The following HSP90AA1 variants were observed in gnomAD, a reference collection of about 807,000 sequenced individuals.
The protein encoded by HSP90AA1 is heat shock protein 90 alpha family class A member 1.
A neutral mutation model predicts 73.3 loss-of-function variants in HSP90AA1; 18 were observed. The observed-to-expected ratio is 0.25, with a 90% CI of 0.17 to 0.36. The LOEUF (loss-of-function observed/expected upper bound fraction) is 0.36. HSP90AA1 is among the 10% of genes least tolerant of loss of function. The pLI is 1.00. For synonymous variants in HSP90AA1, 477 were observed against 296.9 expected (o/e 1.61, Z -6.24); for missense variants, 704 against 874.2 (o/e 0.81, Z 2.45).
intron 2 of HSP90AA1, among the ~76,000 whole-genome samples, chr14:102,098,459 CTTTTTTTT>C (rs55683551): frequency 1.3e-5 from 1 of 75,462 alleles, no homozygotes; most frequent in Non-Finnish European, 2.5e-5. Flanking sequence ...TGCACCTGGC[CTTTTTTTT>C]TTTTTTTTTT....
intron 1 of HSP90AA1, among the ~76,000 whole-genome samples, chr14:102,138,681 G>T (rs961243939): frequency 1.3e-5 from 2 of 152,082 alleles, no homozygotes; most frequent in Non-Finnish European, 2.9e-5. Context: ...TGCCCCTCCA[G>T]ATATAATCTG....
intron 1 of HSP90AA1, among the ~76,000 whole-genome samples, chr14:102,132,984 C>T (rs914760120): frequency 2.9e-4 from 41 of 142,550 alleles, no homozygotes; most frequent in African/African-American, 8.6e-4. Flanking sequence ...AAAAGGGAGC[C>T]GGCGGTGGGG....
chr14:102,085,217 G>T (rs1043981111), intron 4 of HSP90AA1, 81 bp downstream of exon 4: 3 of 1,493,044 alleles, frequency 2.0e-6, no homozygotes, highest in Non-Finnish European at 2.8e-6. Flanking sequence ...TAGTTGAACA[G>T]ATCTAGGGAC....
intron 1 of HSP90AA1, among the ~76,000 whole-genome samples, chr14:102,112,119 C>G (rs2049649317): frequency 6.6e-6 from 1 of 152,078 alleles, no homozygotes; most frequent in African/African-American, 2.4e-5. Flanking sequence ...ATAATTTCCT[C>G]CTACAGTGTT....
chr14:102,104,821 A>C (rs2049541946), intron 1 of HSP90AA1, among the ~76,000 whole-genome samples: 1 of 151,924 alleles, frequency 6.6e-6, no homozygotes, highest in Admixed American at 6.6e-5. Flanking sequence ...ATGAGTGAGA[A>C]CATGTTGTAT....
At chr14:102,083,326 T>C (rs779490169) in intron 8 of HSP90AA1, 24 bp from the exon 9 acceptor site, 5 of 1,613,428 alleles carry the variant, frequency 3.1e-6, no homozygotes, top group Admixed American at 1.7e-5. Context: ...AAGTTACTTT[T>C]AGACCTTTTA....
At chr14:102,117,007 G>A (rs755888888) in intron 1 of HSP90AA1, among the ~76,000 whole-genome samples, 1 of 151,940 alleles carries the variant, frequency 6.6e-6, no homozygotes, top group Non-Finnish European at 1.5e-5. Flanking sequence ...CACCCACTCC[G>A]ATCTCAGAGT....
At chr14:102,101,967 G>A (rs868513330) in exon 2 of HSP90AA1, 1 of 1,614,154 alleles carries the variant, frequency 6.2e-7, no homozygotes, top group Non-Finnish European at 8.5e-7. Context: ...GCGGTGACAG[G>A]GAATGCAGAG....
intron 1 of HSP90AA1, among the ~76,000 whole-genome samples, chr14:102,115,350 AT>A (rs2049693270): frequency 6.6e-6 from 1 of 152,088 alleles, no homozygotes; most frequent in African/African-American, 2.4e-5. Context: ...TTTACAAAAA[AT>A]AAACCTTAGA....
chr14:102,134,322 CAAAAAAAA>C lies in HSP90AA1; in HGVS notation c.155+4920_155+4927del, dbSNP rs57081266. ...TGGGCGACAGAGCAAGGCTCTGTCT[CAAAAAAAA>C]AAAAAAAAAAAAAAAGGATGACAGT... On this transcript the variant is annotated intron_variant, in intron 1 of 11. Transcript: ENST00000334701. Among the ~76,000 whole-genome samples the C allele has an allele frequency of 5.8e-5, 4 of 69,078 alleles. No homozygotes were observed. The Admixed American group carries it at 7.5e-4, about 13-fold the overall frequency. The allele number at this position is 69,078 out of a possible 152,430, so 45.3% of individuals were successfully genotyped here. A position where few individuals can be genotyped will look rare whatever the true frequency, so the allele number is the denominator to read the frequency against.
Position 102,083,023 on chromosome 14 carries a change from T to C in HSP90AA1, c.1755+11A>G. The stretch of plus-strand genomic sequence containing the variant: ...AAGTATCAATGATCAGGAAATGCTG[T>C]ATTCACATACCTTTTCAACTTTTTT... On this transcript the variant is annotated intron_variant, in intron 9 of 10. Coordinates refer to ENST00000216281, the MANE Select transcript of HSP90AA1 (RefSeq NM_005348.4). 3 of 1,612,300 alleles carry C rather than the reference T, an allele frequency of 1.9e-6. No individual in the cohort carries two copies. Among genetic ancestry groups the C allele is most frequent in the African/African-American group, 1.3e-5 (1 of 75,034 alleles).
intron 1 of HSP90AA1, among the ~76,000 whole-genome samples, chr14:102,110,225 A>T (rs2049622007): frequency 6.6e-6 from 1 of 151,802 alleles, no homozygotes; most frequent in South Asian, 2.1e-4. Context: ...GAGCCACCGC[A>T]CCCGGCTGAC....
intron 2 of HSP90AA1, among the ~76,000 whole-genome samples, chr14:102,099,541 G>T (rs1020917705): frequency 6.6e-6 from 1 of 151,818 alleles, no homozygotes; most frequent in African/African-American, 2.4e-5. Context: ...TGGGCAACAA[G>T]AGCGGAACTC....
At chr14:102,083,510 A>C (rs1192833204) in intron 8 of HSP90AA1, 36 bp downstream of exon 8, 9 of 1,603,692 alleles carry the variant, frequency 5.6e-6, no homozygotes, top group Admixed American at 1.7e-5. Flanking sequence ...AGATTGTAAG[A>C]ACGACGTGTA....
chr14:102,098,726 T>A (rs1349243050), intron 2 of HSP90AA1, among the ~76,000 whole-genome samples: 1 of 151,840 alleles, frequency 6.6e-6, no homozygotes, highest in African/African-American at 2.4e-5. Flanking sequence ...TCCCCCAAAG[T>A]GCTCTGTCGC....
At chr14:102,110,402 TTTTG>T (rs144443471) in intron 1 of HSP90AA1, among the ~76,000 whole-genome samples, 98,322 of 149,454 alleles carry the variant, frequency 0.66, 35,777 homozygotes, top group East Asian at 0.91. Flanking sequence ...AGGCATTCAG[TTTTG>T]TTTGTTTGTT....
chr14:102,139,625 G>A (rs1159572333), exon 1 of HSP90AA1: 2 of 645,082 alleles, frequency 3.1e-6, no homozygotes, highest in Non-Finnish European at 5.3e-6. Flanking sequence ...CGGTCAACTA[G>A]ACCCCACTAG....
chr14:102,117,080 C>T (rs2049716512), intron 1 of HSP90AA1, among the ~76,000 whole-genome samples: 4 of 152,196 alleles, frequency 2.6e-5, no homozygotes, highest in Admixed American at 1.3e-4. Context: ...CTCAGTGCAG[C>T]ACTAACATGT....
In HSP90AA1 at chr14:102,110,402, T is replaced by TTTTG. The variant is rs144443471; in HGVS notation, c.156-8321_156-8318dup. On this transcript the variant is annotated intron_variant, in intron 1 of 11. Transcript: ENST00000334701. The stretch of plus-strand genomic sequence containing the variant: ...CTTGGGTGCTGTTAAAGGCATTCAG[T>TTTTG]TTTGTTTGTTTGTTTGTTTGTTTGT... Among the ~76,000 whole-genome samples the TTTTG allele has an allele frequency of 9.8e-3, 1,473 of 149,646 alleles. 25 individuals are homozygous for TTTTG. The highest frequency in any genetic ancestry group is 0.029 in the African/African-American group (1,192 of 40,760).
Sources: allele counts gnomAD v4.1 joint callset (sites outside exome capture counted in the v4.1 genomes callset), GRCh38; gene constraint gnomAD v4.1.1; transcripts MANE v1.5; gene names NCBI Gene and HGNC (gene_info 2026-07-23, HGNC 2026-07-21).